Variants in CES5A observed in about 807,000 individuals in gnomAD.
CES5A encodes carboxylesterase 5.
Under a neutral mutation model 62.9 loss-of-function variants are expected in CES5A, and 67 were observed. The observed-to-expected ratio is 1.07, with a 90% CI of 0.88 to 1.31. The LOEUF is 1.31. CES5A is among the 50% of genes most tolerant of loss of function. CES5A has a pLI of 0.00. For synonymous variants in CES5A, 296 were observed against 280.8 expected, an observed-to-expected ratio of 1.05 and a Z score of -0.54; for missense variants, 748 against 708.5, an observed-to-expected ratio of 1.06 and a Z score of -0.63.
upstream of CES5A, among the ~76,000 whole-genome samples, chr16:55,928,389 G>T (rs1190078793): frequency 6.6e-6 from 1 of 152,148 alleles, no homozygotes; most frequent in Non-Finnish European, 1.5e-5. Flanking sequence ...GGCATACAAA[G>T]TGGTATAATG....
intron 1 of CES5A, among the ~76,000 whole-genome samples, chr16:55,950,836 CT>C (rs1208460782): frequency 6.6e-6 from 1 of 151,978 alleles, no homozygotes; most frequent in Non-Finnish European, 1.5e-5. Flanking sequence ...GCACGGGTGG[CT>C]CAAGCCTGTA....
intron 1 of CES5A, among the ~76,000 whole-genome samples, chr16:55,901,329 G>A (rs890098905): frequency 1.0e-3 from 153 of 151,966 alleles, no homozygotes; most frequent in Non-Finnish European, 2.0e-3. Context: ...TAATTACCCA[G>A]GCTTGGGTAT....
In CES5A at chr16:55,873,844, G is replaced by A. The variant is rs1330028495; in HGVS notation, c.267C>T (p.Ser89=). 6.2e-7 allele frequency: 1 copy of A among 1,612,752 alleles called. No individual in the cohort carries two copies. The highest frequency in any genetic ancestry group is 1.7e-5 in the Admixed American group (1 of 59,980). ...GAACCTGGTCTTACAAATTAGGGTAGGAGGTGGCTTCTCGCAAGTTATCCC... is the reference window on the plus strand; with the variant it reads ...GAACCTGGTCTTACAAATTAGGGTAAGAGGTGGCTTCTCGCAAGTTATCCC... ...SPWDNLREAT[S]YPNLCLQNSE... The change falls in exon 2 of 13, where the codon TCC becomes TCT. Residue 89 remains serine, a synonymous_variant. Coordinates refer to ENST00000290567, the MANE Select transcript of CES5A (RefSeq NM_001143685.2).
chr16:55,910,498 A>G (rs1452070138), intron 1 of CES5A, among the ~76,000 whole-genome samples: 1 of 152,114 alleles, frequency 6.6e-6, no homozygotes, highest in East Asian at 1.9e-4. Flanking sequence ...ACCATTAACC[A>G]TTTGATTGCA....
chr16:55,900,721 C>T (rs1385031717), intron 1 of CES5A, among the ~76,000 whole-genome samples: 4 of 152,144 alleles, frequency 2.6e-5, no homozygotes, highest in South Asian at 2.1e-4. Flanking sequence ...AAGAGTCGAG[C>T]TTGCTCTCAC....
At chr16:55,876,981 C>T (rs1216198799), upstream of CES5A, among the ~76,000 whole-genome samples, 6 of 152,284 alleles carry the variant, frequency 3.9e-5, no homozygotes, top group East Asian at 9.7e-4. Flanking sequence ...AGGTAGGGCA[C>T]TGAGTCAGTC....
At chr16:55,879,793 A>G (rs1331858866), upstream of CES5A, among the ~76,000 whole-genome samples, 2 of 151,944 alleles carry the variant, frequency 1.3e-5, no homozygotes, top group African/African-American at 4.8e-5. Flanking sequence ...GAGTCTCACT[A>G]TGTTTCCCAG....
upstream of CES5A, among the ~76,000 whole-genome samples, chr16:55,877,135 A>G (rs1375102457): frequency 2.0e-5 from 3 of 152,174 alleles, no homozygotes; most frequent in Non-Finnish European, 4.4e-5. Flanking sequence ...AAGTGGGTCC[A>G]AGCTCCCTCT....
chr16:55,904,468 A>G (rs2142444522), intron 1 of CES5A, among the ~76,000 whole-genome samples: 1 of 152,268 alleles, frequency 6.6e-6, no homozygotes, highest in South Asian at 2.1e-4. Flanking sequence ...GGCAGATCAT[A>G]AGCCACCAAC....
At chr16:55,948,631 T>C (rs1375354777) in intron 2 of CES5A, among the ~76,000 whole-genome samples, 3 of 152,202 alleles carry the variant, frequency 2.0e-5, no homozygotes, top group African/African-American at 7.2e-5. Context: ...CATGATTTGG[T>C]TTCCAAGCTT....
chr16:55,934,582 A>G (rs749473714), intron 2 of CES5A, among the ~76,000 whole-genome samples: 1 of 152,210 alleles, frequency 6.6e-6, no homozygotes, highest in Non-Finnish European at 1.5e-5. Flanking sequence ...CTTTGCCTCA[A>G]AAGTTATATT....
chr16:55,853,797 G>A (rs1390836148), intron 9 of CES5A, among the ~76,000 whole-genome samples: 1 of 152,188 alleles, frequency 6.6e-6, no homozygotes, highest in South Asian at 2.1e-4. Flanking sequence ...GGCAGAGAGT[G>A]CATGGTAAAT....
At chr16:55,951,053 G>C (rs1273023295) in intron 1 of CES5A, among the ~76,000 whole-genome samples, 1 of 124,646 alleles carries the variant, frequency 8.0e-6, no homozygotes, top group Non-Finnish European at 1.6e-5. Flanking sequence ...AGTGAGCCAG[G>C]ATTGCGCCAC....
At chr16:55,869,521 C>G (rs1167129582) in intron 4 of CES5A, 90 bp downstream of exon 4, 1 of 1,467,018 alleles carries the variant, frequency 6.8e-7, no homozygotes, top group Non-Finnish European at 9.1e-7. Flanking sequence ...CCGGAAGGCT[C>G]GCTCCTTCTT....
intron 1 of CES5A, among the ~76,000 whole-genome samples, chr16:55,908,966 G>A (rs2034066058): frequency 6.6e-6 from 1 of 152,080 alleles, no homozygotes; most frequent in Admixed American, 6.5e-5. Context: ...TCCCCAAAAA[G>A]AACAAAGGAA....
At chr16:55,872,989 C>T (rs1437426170) in intron 2 of CES5A, among the ~76,000 whole-genome samples, 1 of 152,144 alleles carries the variant, frequency 6.6e-6, no homozygotes, top group East Asian at 1.9e-4. Context: ...AACGCACAAA[C>T]AAATGAGTTT....
rs1332576157 is a variant in CES5A at position 55,853,121 on chromosome 16, T to C, written c.1126-93A>G. On this transcript the variant is annotated intron_variant, in intron 9 of 12. Coordinates refer to ENST00000290567, the MANE Select transcript of CES5A (RefSeq NM_001143685.2). ...TGTGCAGGTATGATTCTGAATGCTT[T>C]ACCCACATTGCTTCATTTAACCCAC... The C allele has an allele frequency of 5.4e-6, 7 of 1,302,034 alleles. No homozygotes were observed. In the East Asian group the frequency reaches 1.2e-4, roughly 22 times the overall value. The allele number at this position is 1,302,034 out of a possible 1,614,324, so 80.7% of individuals were successfully genotyped here. A position where few individuals can be genotyped will look rare whatever the true frequency, so the allele number is the denominator to read the frequency against.
intron 1 of CES5A, among the ~76,000 whole-genome samples, chr16:55,954,388 A>G (rs2034587297): frequency 6.6e-6 from 1 of 152,232 alleles, no homozygotes. Flanking sequence ...AAGCCTGGAG[A>G]CACGCTAAAG....
chr16:55,934,933 TTTTTG>T (rs1434092514), intron 2 of CES5A, among the ~76,000 whole-genome samples: 1 of 152,134 alleles, frequency 6.6e-6, no homozygotes, highest in African/African-American at 2.4e-5. Context: ...GTTTTGGGTT[TTTTTG>T]TTTTGTTTTG....
Sources: gnomAD v4.1 joint callset for allele counts (sites outside exome capture counted in the v4.1 genomes callset) on GRCh38, gnomAD v4.1.1 for gene constraint, MANE v1.5 for transcripts, NCBI Gene and HGNC (gene_info 2026-07-23, HGNC 2026-07-21) for gene names.